SHISAL1: variants seen among roughly 807,000 people sequenced by gnomAD.
The protein encoded by SHISAL1 is protein shisa-like-1.
In SHISAL1, 9 loss-of-function variants were observed where a neutral mutation model predicts 22.6. The observed-to-expected ratio is 0.40, with a 90% CI of 0.24 to 0.70. The LOEUF is 0.70. Among genes scored for constraint, SHISAL1 ranks in the 30% least tolerant of loss-of-function variants. The pLI is 0.39. For missense variants in SHISAL1, 246 were observed against 270.6 expected, an observed-to-expected ratio of 0.91 and a Z score of 0.64; for synonymous variants, 119 against 115.4, an observed-to-expected ratio of 1.03 and a Z score of -0.20.
chr22:44,259,276 A>T (rs1371987682), intron 4 of SHISAL1, among the ~76,000 whole-genome samples: 1 of 151,952 alleles, frequency 6.6e-6, no homozygotes, highest in African/African-American at 2.4e-5. Context: ...CCGTCTACTA[A>T]AAATACAAAA....
At chr22:44,250,700 G>A (rs1029309208) in intron 4 of SHISAL1, among the ~76,000 whole-genome samples, 5 of 152,220 alleles carry the variant, frequency 3.3e-5, no homozygotes, top group African/African-American at 1.2e-4. Flanking sequence ...TTGCATGCAT[G>A]AGAATGAAAG....
the SHISAL1 span, among the ~76,000 whole-genome samples, chr22:44,323,412 T>C: frequency 2.9e-5 from 4 of 139,110 alleles, no homozygotes; most frequent in Admixed American, 1.4e-4. Flanking sequence ...CATCCATCCA[T>C]TCATTCATCC....
rs746856034 is a variant in SHISAL1, at chr22:44,285,526, A to C, written c.501T>G (p.Pro167=). ...RPGQRAPQPQ[P]PPGPLPQAPQ... is the part of the protein sequence containing the mutation. ...GGGCTTGTGGCAGCGGGCCTGGGGG[A>C]GGCTGCGGCTGTGGGGCCCGCTGAC... Residue 167 remains proline, a synonymous_variant, in exon 4 of 5, where the codon CCT becomes CCG. Transcript: ENST00000381176. 3.7e-6 allele frequency: 6 copies of C among 1,613,116 alleles called. No individual in the cohort carries two copies. The highest frequency in any genetic ancestry group is 3.4e-6 in the Non-Finnish European group (4 of 1,179,432).
chr22:44,266,525 G>GGTGTGTGTGTGTGTGTGTGTGT (rs386395566), intron 4 of SHISAL1, among the ~76,000 whole-genome samples: 1 of 45,652 alleles, frequency 2.2e-5, no homozygotes, highest in Admixed American at 1.8e-4. Flanking sequence ...GGGGCTTTGG[G>GGTGTGTGTGTGTGTGTGTGTGT]GTATGTGTGT....
intron 4 of SHISAL1, among the ~76,000 whole-genome samples, chr22:44,273,510 T>C (rs1349613267): frequency 1.3e-5 from 2 of 152,366 alleles, no homozygotes; most frequent in South Asian, 2.1e-4. Flanking sequence ...TAATTTGCAA[T>C]AGTGGCTGTG....
At position 44,266,456 on chromosome 22, in the gene SHISAL1, C is replaced by T. The variant is rs1195957076; in HGVS notation, c.*-16771G>A. Among the ~76,000 whole-genome samples the T allele has an allele frequency of 3.5e-3, 358 of 102,894 alleles. 2 individuals carry two copies. The highest frequency in any genetic ancestry group is 0.015 in the Middle Eastern group (2 of 132). 67.5% of individuals were successfully genotyped at this position (102,894 alleles called of 152,430 possible). A position where few individuals can be genotyped will look rare whatever the true frequency, so the allele number is the denominator to read the frequency against. On this transcript the variant is annotated intron_variant, in intron 4 of 4. Transcript: ENST00000381176. ...GTGTTGGGGGGTTGTGTGTGTGGGGCTGTGTGTGTGTTGGGCTGTGTGTGT... is the reference window on the plus strand; with the variant it reads ...GTGTTGGGGGGTTGTGTGTGTGGGGTTGTGTGTGTGTTGGGCTGTGTGTGT...
rs562167997 is a variant in SHISAL1 at position 44,244,802 on chromosome 22, T to G, written c.*4883A>C. 2.2e-4 allele frequency: 34 copies of G among 152,312 alleles called. No individual in the cohort carries two copies. Among genetic ancestry groups the G allele is most frequent in the African/African-American group, 7.2e-4 (30 of 41,572 alleles). The allele number at this position is 152,312 out of a possible 1,614,324, so 9.4% of individuals were successfully genotyped here. A position where few individuals can be genotyped will look rare whatever the true frequency, so the allele number is the denominator to read the frequency against. On this transcript the variant is annotated 3_prime_UTR_variant, in exon 5 of 5. Transcript: ENST00000381176. Reference sequence around the variant, plus strand: ...GAATAGGTGAGGGAAGCGCGTGTCATCGAATGAGTTTTCTAGGAGGCTCCT... The same window carrying G: ...GAATAGGTGAGGGAAGCGCGTGTCAGCGAATGAGTTTTCTAGGAGGCTCCT...
At chr22:44,315,469 G>A (rs2055552219), upstream of SHISAL1, among the ~76,000 whole-genome samples, 1 of 152,072 alleles carries the variant, frequency 6.6e-6, no homozygotes, top group Non-Finnish European at 1.5e-5. Context: ...AATTCCAGTA[G>A]GGAATCGGTG....
chr22:44,319,716 C>T, the SHISAL1 span, among the ~76,000 whole-genome samples: 1 of 152,240 alleles, frequency 6.6e-6, no homozygotes, highest in Non-Finnish European at 1.5e-5. Context: ...TTCGGCTCTC[C>T]TGCCCTTCCC....
intron 4 of SHISAL1, among the ~76,000 whole-genome samples, chr22:44,271,835 A>T (rs6006717): frequency 0.049 from 7,449 of 152,188 alleles, 618 homozygotes; most frequent in African/African-American, 0.17. Flanking sequence ...GAGGGTGATT[A>T]TGTGGAATTC....
At chr22:44,302,652 G>A (rs1333950671) in intron 1 of SHISAL1, among the ~76,000 whole-genome samples, 1 of 150,022 alleles carries the variant, frequency 6.7e-6, no homozygotes, top group Non-Finnish European at 1.5e-5. Flanking sequence ...CGGTGAGGAG[G>A]CAGCAGGGGC....
At chr22:44,324,245 T>C in the SHISAL1 span, among the ~76,000 whole-genome samples, 1 of 152,154 alleles carries the variant, frequency 6.6e-6, no homozygotes, top group African/African-American at 2.4e-5. Flanking sequence ...CAGCCCCCAT[T>C]GGTCACTAGT....
chr22:44,295,857 G>A (rs79914302), intron 3 of SHISAL1, among the ~76,000 whole-genome samples: 7 of 152,246 alleles, frequency 4.6e-5, no homozygotes, highest in South Asian at 2.1e-4. Context: ...TCTACTTAGC[G>A]TGTTCCCATT....
chr22:44,286,626 C>T (rs992452008), intron 3 of SHISAL1, among the ~76,000 whole-genome samples: 6 of 152,222 alleles, frequency 3.9e-5, no homozygotes, highest in African/African-American at 1.4e-4. Context: ...GACACCCTGA[C>T]CCTCCTACGC....
intron 4 of SHISAL1, among the ~76,000 whole-genome samples, chr22:44,271,892 C>A (rs1036475247): frequency 6.6e-6 from 1 of 152,192 alleles, no homozygotes; most frequent in South Asian, 2.1e-4. Flanking sequence ...GAGGCGTATT[C>A]ACGAGCCCCC....
At chr22:44,296,046 T>C (rs540978044) in intron 3 of SHISAL1, among the ~76,000 whole-genome samples, 3 of 152,318 alleles carry the variant, frequency 2.0e-5, no homozygotes, top group African/African-American at 7.2e-5. Context: ...CCCGGTGGAT[T>C]ACAGGCCCAG....
At position 44,249,586 on chromosome 22, in the gene SHISAL1, G is replaced by T. The variant is rs369264720; in HGVS notation, c.*99C>A. On this transcript the variant is annotated 3_prime_UTR_variant, in exon 5 of 5. Coordinates refer to ENST00000381176, the MANE Select transcript of SHISAL1 (RefSeq NM_001099294.2). ...CCTCCTGTGCCACCGCCGCTACCTC[G>T]GCTGTCCCTGGCATCTCTGTAGAAG... The T allele has an allele frequency of 1.3e-6, 1 of 755,214 alleles. No individual in the cohort carries two copies. Among genetic ancestry groups the T allele is most frequent in the African/African-American group, 1.7e-5 (1 of 57,580 alleles). 46.8% of individuals were successfully genotyped at this position (755,214 alleles called of 1,614,324 possible). A position where few individuals can be genotyped will look rare whatever the true frequency, so the allele number is the denominator to read the frequency against.
intron 4 of SHISAL1, among the ~76,000 whole-genome samples, chr22:44,251,683 A>G (rs2055048675): frequency 1.3e-5 from 2 of 152,186 alleles, no homozygotes; most frequent in South Asian, 4.1e-4. Flanking sequence ...TGTGCAGGAA[A>G]ATTCCCATTT....
chr22:44,312,267 G>A (rs2147312996), intron 1 of SHISAL1, among the ~76,000 whole-genome samples: 1 of 152,304 alleles, frequency 6.6e-6, no homozygotes, highest in South Asian at 2.1e-4. Context: ...GACTGGGACT[G>A]CAGACTCTGA....
Sources: allele counts gnomAD v4.1 joint callset (sites outside exome capture counted in the v4.1 genomes callset), GRCh38; gene constraint gnomAD v4.1.1; transcripts MANE v1.5; gene names NCBI Gene and HGNC (gene_info 2026-07-23, HGNC 2026-07-21).